The following PRR16 variants were observed in gnomAD, a reference collection of about 807,000 sequenced individuals.
PRR16 encodes the protein protein Largen.
A neutral mutation model predicts 18.2 loss-of-function variants in PRR16; 6 were observed. The ratio of observed to expected loss-of-function variants is 0.33; its 90% CI spans 0.18 to 0.65. PRR16 has a LOEUF of 0.65. Among genes scored for constraint, PRR16 ranks in the 30% least tolerant of loss-of-function variants. The pLI, the probability that PRR16 is intolerant of heterozygous loss-of-function variation, is 0.74. For missense variants in PRR16, 412 were observed against 376.6 expected (o/e 1.09, Z -0.78); for synonymous variants, 151 against 147.8 (o/e 1.02, Z -0.16).
intron 1 of PRR16, among the ~76,000 whole-genome samples, chr5:120,485,339 C>T (rs1005244412): frequency 7.9e-5 from 12 of 152,188 alleles, no homozygotes; most frequent in Middle Eastern, 6.8e-3. Flanking sequence ...AAATATTGAT[C>T]ATCCTGTTTC....
chr5:120,668,298 A>G (rs1433298746), intron 1 of PRR16, among the ~76,000 whole-genome samples: 1 of 150,512 alleles, frequency 6.6e-6, no homozygotes, highest in Non-Finnish European at 1.5e-5. Context: ...TATGTTTTCC[A>G]TTTGCTTGGT....
chr5:120,643,444 G>T (rs1026960667), intron 1 of PRR16, among the ~76,000 whole-genome samples: 7 of 152,052 alleles, frequency 4.6e-5, no homozygotes, highest in Non-Finnish European at 8.8e-5. Context: ...AAACTCAGAA[G>T]TGATAGAAAA....
chr5:120,742,632 A>G, the PRR16 span, among the ~76,000 whole-genome samples: 2 of 152,134 alleles, frequency 1.3e-5, no homozygotes, highest in Non-Finnish European at 2.9e-5. Flanking sequence ...AGAAAGATTA[A>G]TTTTAAAATA....
chr5:120,718,273 G>C, the PRR16 span, among the ~76,000 whole-genome samples: 1 of 152,152 alleles, frequency 6.6e-6, no homozygotes, highest in African/African-American at 2.4e-5. Flanking sequence ...GGACACCTCT[G>C]ACTTCACGTA....
chr5:120,532,097 TATG>T (rs1751570211), intron 1 of PRR16, among the ~76,000 whole-genome samples: 1 of 152,148 alleles, frequency 6.6e-6, no homozygotes, highest in Non-Finnish European at 1.5e-5. Flanking sequence ...ATAAAATTTA[TATG>T]ATGATTGTAC....
At chr5:120,553,677 A>T (rs1033337878) in intron 1 of PRR16, among the ~76,000 whole-genome samples, 1 of 151,894 alleles carries the variant, frequency 6.6e-6, no homozygotes. Context: ...TTACTAACAC[A>T]TACAGACATA....
chr5:120,752,327 A>G, the PRR16 span, among the ~76,000 whole-genome samples: 7 of 152,100 alleles, frequency 4.6e-5, no homozygotes, highest in African/African-American at 1.7e-4. Context: ...TACAGAATAG[A>G]TAACAGTGGA....
At chr5:120,715,870 C>G in the PRR16 span, among the ~76,000 whole-genome samples, 1 of 152,126 alleles carries the variant, frequency 6.6e-6, no homozygotes, top group African/African-American at 2.4e-5. Flanking sequence ...CTCACATAGG[C>G]CTTCTCTCTA....
intron 1 of PRR16, among the ~76,000 whole-genome samples, chr5:120,534,303 C>A (rs930136392): frequency 6.6e-6 from 1 of 152,148 alleles, no homozygotes; most frequent in Middle Eastern, 3.2e-3. Flanking sequence ...ACCTGCCCCA[C>A]ACACATCTAT....
chr5:120,521,745 A>G (rs978443977), intron 1 of PRR16, among the ~76,000 whole-genome samples: 2 of 152,082 alleles, frequency 1.3e-5, no homozygotes, highest in African/African-American at 2.4e-5. Context: ...ATATGTATAC[A>G]TGTGCCATGT....
intron 1 of PRR16, among the ~76,000 whole-genome samples, chr5:120,587,000 A>G (rs992524717): frequency 1.3e-5 from 2 of 152,238 alleles, no homozygotes; most frequent in Admixed American, 6.5e-5. Context: ...GAACACACAA[A>G]TGATAAGCAA....
intron 1 of PRR16, among the ~76,000 whole-genome samples, chr5:120,560,650 G>A (rs1378938395): frequency 6.6e-6 from 1 of 152,018 alleles, no homozygotes; most frequent in Non-Finnish European, 1.5e-5. Context: ...CGACTTCATA[G>A]AATGAGATTG....
the PRR16 span, among the ~76,000 whole-genome samples, chr5:120,758,497 C>A: frequency 6.6e-6 from 1 of 152,040 alleles, no homozygotes; most frequent in East Asian, 1.9e-4. Context: ...GTGTCCCCAC[C>A]CAAATCTCAT....
chr5:120,719,901 G>A, the PRR16 span, among the ~76,000 whole-genome samples: 1 of 151,934 alleles, frequency 6.6e-6, no homozygotes. Context: ...CCAGAAAATT[G>A]TATAACATTT....
intron 1 of PRR16, among the ~76,000 whole-genome samples, chr5:120,629,292 C>T (rs998600445): frequency 6.6e-6 from 1 of 151,838 alleles, no homozygotes; most frequent in Non-Finnish European, 1.5e-5. Context: ...CATGTGTATT[C>T]ATGGTAGAAT....
chr5:120,566,649 C>T (rs952072987), intron 1 of PRR16, among the ~76,000 whole-genome samples: 1 of 152,082 alleles, frequency 6.6e-6, no homozygotes, highest in African/African-American at 2.4e-5. Flanking sequence ...GGAAACACTT[C>T]TTGTTTTAAA....
the PRR16 span, among the ~76,000 whole-genome samples, chr5:120,785,572 G>GTTTTT: frequency 5.0e-5 from 6 of 119,948 alleles, no homozygotes; most frequent in Middle Eastern, 4.4e-3. Context: ...TTTTGTTGTT[G>GTTTTT]TTGTTTTTTT....
chr5:120,734,337 CTGTG>C, the PRR16 span, among the ~76,000 whole-genome samples: 4 of 151,478 alleles, frequency 2.6e-5, no homozygotes, highest in Admixed American at 1.3e-4. Flanking sequence ...CTCTCTCTCT[CTGTG>C]TGTGTGTGTA....
At chr5:120,717,431 C>T in the PRR16 span, among the ~76,000 whole-genome samples, 1 of 152,092 alleles carries the variant, frequency 6.6e-6, no homozygotes, top group African/African-American at 2.4e-5. Context: ...TAAAGAAACT[C>T]ATGAATAACC....
Sources: gnomAD v4.1 joint callset for allele counts (sites outside exome capture counted in the v4.1 genomes callset) on GRCh38, gnomAD v4.1.1 for gene constraint, MANE v1.5 for transcripts, NCBI Gene and HGNC (gene_info 2026-07-23, HGNC 2026-07-21) for gene names.